Variants in NPAS3 observed in about 807,000 individuals in gnomAD.
NPAS3 encodes the protein neuronal PAS domain protein 3.
A neutral mutation model predicts 73.1 loss-of-function variants in NPAS3; 14 were observed. That is an observed-to-expected ratio of 0.19 (90% CI 0.13 to 0.30). The LOEUF is 0.30. NPAS3 is among the 10% of genes least tolerant of loss of function. The probability of loss-of-function intolerance (pLI) is 1.00; values close to 1 mark genes in which losing one functional copy is unlikely to be tolerated. For missense variants in NPAS3, 1,096 were observed against 1,250.0 expected (o/e 0.88, Z 1.86); for synonymous variants, 620 against 541.5 (o/e 1.14, Z -2.01).
chr14:33,097,193 C>A (rs1177830135), intron 2 of NPAS3, among the ~76,000 whole-genome samples: 1 of 151,614 alleles, frequency 6.6e-6, no homozygotes, highest in Non-Finnish European at 1.5e-5. Context: ...GCCTGTGCAA[C>A]GTGGTAAGAC....
chr14:33,048,673 T>C (rs1412241799), intron 1 of NPAS3, among the ~76,000 whole-genome samples: 1 of 152,162 alleles, frequency 6.6e-6, no homozygotes, highest in African/African-American at 2.4e-5. Flanking sequence ...ACTGGCATAA[T>C]TTCATCAACC....
chr14:33,583,668 A>G (rs1178728522), intron 5 of NPAS3, among the ~76,000 whole-genome samples: 1 of 152,204 alleles, frequency 6.6e-6, no homozygotes, highest in Admixed American at 6.5e-5. Flanking sequence ...AAGGGGAACA[A>G]CACCTGGATT....
upstream of NPAS3, chr14:32,934,841 C>T (rs2035645862): frequency 4.1e-6 from 2 of 491,294 alleles, no homozygotes; most frequent in Non-Finnish European, 5.3e-6. The surrounding 1 kb of genome is among the most constrained non-coding windows in gnomAD (Gnocchi z 4.1). Flanking sequence ...GCCGAAGCCG[C>T]GGCGATGATC....
At position 33,688,281 on chromosome 14, in the gene NPAS3, A is replaced by G. The variant is rs149410659; in HGVS notation, c.733+11896A>G. 4.8e-3 allele frequency among the ~76,000 whole-genome samples: 734 copies of G among 152,350 alleles called. 3 individuals are homozygous for G. Among genetic ancestry groups the G allele is most frequent in the Non-Finnish European group, 7.9e-3 (538 of 68,034 alleles). On this transcript the variant is annotated intron_variant, in intron 6 of 11. Coordinates refer to ENST00000356141, the Ensembl canonical transcript of NPAS3. The stretch of plus-strand genomic sequence containing the variant: ...AAAAAACTTGGTAGCACGTGTTCTC[A>G]CTGGAAATTGACAATGAATGTTAGC...
chr14:33,113,180 G>A (rs1184253338), intron 2 of NPAS3, among the ~76,000 whole-genome samples: 2 of 152,140 alleles, frequency 1.3e-5, no homozygotes, highest in Non-Finnish European at 2.9e-5. Context: ...GAACTTTAAA[G>A]TAGTTTTTTT....
At chr14:33,397,232 A>AAGAAT (rs1334129882) in intron 4 of NPAS3, among the ~76,000 whole-genome samples, 2 of 152,146 alleles carry the variant, frequency 1.3e-5, no homozygotes, top group Non-Finnish European at 2.9e-5. Flanking sequence ...AGAGGCTTAT[A>AAGAAT]ATTGCAGCTC....
At position 33,576,684 on chromosome 14, in the gene NPAS3, A is replaced by G. The variant is rs72682333; in HGVS notation, c.558+16474A>G. Among the ~76,000 whole-genome samples the G allele has an allele frequency of 7.5e-3, 1,145 of 152,248 alleles. 9 individuals are homozygous for G. The highest frequency in any genetic ancestry group is 0.012 in the Non-Finnish European group (844 of 68,020). ...CAGATGTTCACCTTTATTCACCTCT[A>G]TTGTTTTAACATGATGATCAGAAAG... On this transcript the variant is annotated intron_variant, in intron 5 of 11. Transcript: ENST00000356141.
At chr14:33,775,504 T>A (rs2062785006) in intron 8 of NPAS3, among the ~76,000 whole-genome samples, 1 of 152,162 alleles carries the variant, frequency 6.6e-6, no homozygotes, top group African/African-American at 2.4e-5. Flanking sequence ...AGATAGCCCC[T>A]GCATTCAGTC....
chr14:32,998,363 G>A (rs1289613486), intron 1 of NPAS3, among the ~76,000 whole-genome samples: 2 of 152,164 alleles, frequency 1.3e-5, no homozygotes, highest in African/African-American at 4.8e-5. Context: ...GTGGTTACCA[G>A]GTGATGGGAG....
chr14:33,699,819 G>A (rs567447601), intron 6 of NPAS3, among the ~76,000 whole-genome samples: 12 of 152,160 alleles, frequency 7.9e-5, no homozygotes, highest in Admixed American at 3.3e-4. Flanking sequence ...CGATGAACCC[G>A]TACACGGCAC....
At chr14:33,143,363 T>G (rs1363307672) in intron 2 of NPAS3, among the ~76,000 whole-genome samples, 2 of 151,092 alleles carry the variant, frequency 1.3e-5, no homozygotes, top group Admixed American at 6.6e-5. Flanking sequence ...TGGCAGCGCA[T>G]GCCTGTAATC....
intron 4 of NPAS3, among the ~76,000 whole-genome samples, chr14:33,508,673 A>G (rs2052892317): frequency 6.6e-6 from 1 of 152,050 alleles, no homozygotes; most frequent in Non-Finnish European, 1.5e-5. Flanking sequence ...GCCAGGAAGG[A>G]GAGAGCCAGG....
intron 1 of NPAS3, among the ~76,000 whole-genome samples, chr14:32,970,542 G>A (rs368935860): frequency 2.6e-5 from 4 of 152,004 alleles, no homozygotes; most frequent in African/African-American, 9.7e-5. Context: ...CATTTCTTGG[G>A]GATGTTGTAA....
chr14:33,357,416 G>T (rs1208642071), intron 3 of NPAS3, among the ~76,000 whole-genome samples: 3 of 152,234 alleles, frequency 2.0e-5, no homozygotes, highest in African/African-American at 7.2e-5. Context: ...GTGAGGCCCT[G>T]ATTGCAGTTG....
intron 1 of NPAS3, among the ~76,000 whole-genome samples, chr14:33,029,955 A>G (rs1374908534): frequency 1.3e-5 from 2 of 152,234 alleles, no homozygotes; most frequent in Non-Finnish European, 2.9e-5. Context: ...ACTTTGAATC[A>G]GACTTCCCCA....
At chr14:33,161,540 G>T (rs749797414) in intron 2 of NPAS3, among the ~76,000 whole-genome samples, 15 of 152,202 alleles carry the variant, frequency 9.9e-5, no homozygotes, top group Non-Finnish European at 1.6e-4. Flanking sequence ...CTAATACATT[G>T]GTATCACTGT....
intron 6 of NPAS3, among the ~76,000 whole-genome samples, chr14:33,719,481 T>C (rs909095137): frequency 2.0e-5 from 3 of 152,192 alleles, no homozygotes; most frequent in Non-Finnish European, 2.9e-5. Flanking sequence ...ACTGTAAATG[T>C]TTACTCAAAG....
At chr14:33,402,044 T>C (rs1022364604) in intron 4 of NPAS3, among the ~76,000 whole-genome samples, 3 of 152,106 alleles carry the variant, frequency 2.0e-5, no homozygotes, top group Admixed American at 1.3e-4. Flanking sequence ...TAGATATTCA[T>C]GTTGAAAATC....
At chr14:32,989,097 T>C (rs1208750354) in intron 1 of NPAS3, among the ~76,000 whole-genome samples, 1 of 151,238 alleles carries the variant, frequency 6.6e-6, no homozygotes, top group African/African-American at 2.5e-5. Flanking sequence ...GTGGAAGAGG[T>C]AGGTAGAGGA....
Sources: gnomAD v4.1 joint callset for allele counts (sites outside exome capture counted in the v4.1 genomes callset) on GRCh38, gnomAD v4.1.1 for gene constraint, Gnocchi (gnomAD v3.1) non-coding constraint, MANE v1.5 for transcripts, NCBI Gene and HGNC (gene_info 2026-07-23, HGNC 2026-07-21) for gene names.